C21orf91: variants seen among roughly 807,000 people sequenced by gnomAD.
C21orf91 encodes protein EURL homolog.
Under a neutral mutation model 32.9 loss-of-function variants are expected in C21orf91, and 26 were observed. That is an observed-to-expected ratio of 0.79 (90% CI 0.58 to 1.10). The LOEUF is 1.10. Ranked by LOEUF, C21orf91 falls within the 50% of genes least tolerant of loss-of-function variation. The probability of loss-of-function intolerance (pLI) is 0.00; values close to 1 mark genes in which losing one functional copy is unlikely to be tolerated. For synonymous variants in C21orf91, 126 were observed against 120.4 expected (o/e 1.05, Z -0.31); for missense variants, 310 against 341.3 (o/e 0.91, Z 0.72).
chr21:17,799,266 G>A (rs978227452), intron 2 of C21orf91, among the ~76,000 whole-genome samples: 7 of 152,088 alleles, frequency 4.6e-5, no homozygotes, highest in African/African-American at 1.7e-4. Flanking sequence ...GAAGAATAAT[G>A]AGGACTTGTA....
At chr21:17,799,442 T>C (rs891719748) in intron 2 of C21orf91, among the ~76,000 whole-genome samples, 2 of 152,192 alleles carry the variant, frequency 1.3e-5, no homozygotes, top group African/African-American at 2.4e-5. Flanking sequence ...ACCAACTAAC[T>C]GCTCAAGGAA....
chr21:17,809,405 T>A (rs2062618272), intron 2 of C21orf91, among the ~76,000 whole-genome samples: 1 of 152,204 alleles, frequency 6.6e-6, no homozygotes, highest in South Asian at 2.1e-4. Context: ...TGAAGGAGTA[T>A]TCCATGTTAA....
intron 2 of C21orf91, among the ~76,000 whole-genome samples, chr21:17,797,653 T>G (rs2062529898): frequency 6.6e-6 from 1 of 151,662 alleles, no homozygotes; most frequent in East Asian, 1.9e-4. Context: ...TAGATTTATT[T>G]TTAAAGAAAA....
In C21orf91 at chr21:17,806,504, A is replaced by T. The variant is rs1034552201; in HGVS notation, c.128-9386T>A. 7.5e-5 allele frequency among the ~76,000 whole-genome samples: 3 copies of T among 40,106 alleles called. No individual in the cohort carries two copies. The Admixed American group carries it at 9.4e-4, about 13-fold the overall frequency. The allele number at this position is 40,106 out of a possible 152,430, so 26.3% of individuals were successfully genotyped here. A position where few individuals can be genotyped will look rare whatever the true frequency, so the allele number is the denominator to read the frequency against. ...ATAACTGTAGGTTGCCAAGCTGATG[A>T]GTTAGTAAAAAAAAAATGGAGGAGA... On this transcript the variant is annotated intron_variant, in intron 2 of 4. Coordinates refer to ENST00000284881, the MANE Select transcript of C21orf91 (RefSeq NM_001100420.2).
At chr21:17,810,290 T>C (rs558943574) in intron 2 of C21orf91, among the ~76,000 whole-genome samples, 1 of 152,348 alleles carries the variant, frequency 6.6e-6, no homozygotes, top group South Asian at 2.1e-4. Context: ...AATATAATTA[T>C]AGTTTTTAAT....
chr21:17,793,785 G>C (rs575553857), intron 4 of C21orf91, among the ~76,000 whole-genome samples: 2 of 152,232 alleles, frequency 1.3e-5, no homozygotes, highest in African/African-American at 4.8e-5. Flanking sequence ...TAGCCAAATG[G>C]AATTTGGCTC....
chr21:17,797,174 C>T (rs2062526128), intron 2 of C21orf91, 56 bp from the exon 3 acceptor site: 2 of 1,117,666 alleles, frequency 1.8e-6, no homozygotes, highest in Non-Finnish European at 2.6e-6. Context: ...CTATAAGTCA[C>T]TTTAAGAACA....
rs2062479051 is a variant in C21orf91, at chr21:17,792,120, G to A, written c.*1295C>T. The A allele has an allele frequency of 6.6e-6, 1 of 152,058 alleles. No individual in the cohort carries two copies. Among genetic ancestry groups the A allele is most frequent in the East Asian group, 1.9e-4 (1 of 5,190 alleles). 9.4% of individuals were successfully genotyped at this position (152,058 alleles called of 1,614,324 possible). A position where few individuals can be genotyped will look rare whatever the true frequency, so the allele number is the denominator to read the frequency against. On this transcript the variant is annotated 3_prime_UTR_variant, in exon 5 of 5. Coordinates refer to ENST00000284881, the MANE Select transcript of C21orf91 (RefSeq NM_001100420.2). ...TACCTCATAAGTACATTCTAAACATGAGTTAAAAACAGAATTTAGAGCCCA... is the reference window on the plus strand; with the variant it reads ...TACCTCATAAGTACATTCTAAACATAAGTTAAAAACAGAATTTAGAGCCCA...
At chr21:17,796,544 A>G in intron 3 of C21orf91, 38 bp downstream of exon 3, 1 of 1,540,602 alleles carries the variant, frequency 6.5e-7, no homozygotes, top group Non-Finnish European at 8.8e-7. Flanking sequence ...AAAAATCCCA[A>G]ACCACCCAAC....
chr21:17,802,425 T>C (rs1305412681), intron 2 of C21orf91, among the ~76,000 whole-genome samples: 1 of 152,228 alleles, frequency 6.6e-6, no homozygotes, highest in Non-Finnish European at 1.5e-5. Context: ...CCTAGCAAAG[T>C]GCTGGGATTA....
chr21:17,797,966 T>G (rs554238193), intron 2 of C21orf91, among the ~76,000 whole-genome samples: 54 of 152,232 alleles, frequency 3.5e-4, no homozygotes, highest in Non-Finnish European at 5.3e-4. Context: ...CTAATACATT[T>G]CAAAATACAG....
At chr21:17,810,228 T>C (rs2062623569) in intron 2 of C21orf91, among the ~76,000 whole-genome samples, 1 of 152,228 alleles carries the variant, frequency 6.6e-6, no homozygotes, top group African/African-American at 2.4e-5. Flanking sequence ...TCCCATAATA[T>C]AGTGATTAAA....
intron 2 of C21orf91, among the ~76,000 whole-genome samples, chr21:17,806,953 T>C (rs2062599582): frequency 6.6e-6 from 1 of 152,178 alleles, no homozygotes; most frequent in African/African-American, 2.4e-5. Context: ...ATATTCACTC[T>C]CAACTGAGAA....
intron 2 of C21orf91, among the ~76,000 whole-genome samples, chr21:17,808,495 G>A (rs1010956905): frequency 9.2e-5 from 14 of 152,224 alleles, no homozygotes; most frequent in Non-Finnish European, 1.5e-4. Flanking sequence ...ACTGCCTAGT[G>A]GAGCTGTGGG....
chr21:17,792,344 TAG>T lies in C21orf91; in HGVS notation c.*1069_*1070del, dbSNP rs1491123777. 2 of 152,132 alleles carry T rather than the reference TAG, an allele frequency of 1.3e-5. No homozygotes were observed. The highest frequency in any genetic ancestry group is 4.8e-5 in the African/African-American group (2 of 41,438). The allele number at this position is 152,132 out of a possible 1,614,324, so 9.4% of individuals were successfully genotyped here. A position where few individuals can be genotyped will look rare whatever the true frequency, so the allele number is the denominator to read the frequency against. ...TGTAGAACAATCCTATATTTCTCTA[TAG>T]AGTCTAAAGTTTAGAAAAATACCTC... On this transcript the variant is annotated 3_prime_UTR_variant, in exon 5 of 5. Coordinates refer to ENST00000284881, the MANE Select transcript of C21orf91 (RefSeq NM_001100420.2).
At position 17,793,391 on chromosome 21, in the gene C21orf91, G is replaced by A. The variant is rs771639785; in HGVS notation, c.*24C>T. On this transcript the variant is annotated 3_prime_UTR_variant, in exon 5 of 5. Transcript: ENST00000284881. ...GTCTGGGAGACCAATAAAGGGCAGG[G>A]CATACGAAGTAAGTCTGTTTAGGTC... The A allele has an allele frequency of 4.6e-6, 7 of 1,531,592 alleles. No homozygotes were observed. In the South Asian group the frequency reaches 7.5e-5, roughly 16 times the overall value. 94.9% of individuals were successfully genotyped at this position (1,531,592 alleles called of 1,614,324 possible).
chr21:17,789,253 T>TAACACACACACACACACACA lies in C21orf91; in HGVS notation c.*4161_*4162insTGTGTGTGTGTGTGTGTGTT, dbSNP rs201696665. 58 of 149,852 alleles carry TAACACACACACACACACACA rather than the reference T, an allele frequency of 3.9e-4. No individual in the cohort carries two copies. The highest frequency in any genetic ancestry group is 1.3e-3 in the African/African-American group (54 of 40,548). 9.3% of individuals were successfully genotyped at this position (149,852 alleles called of 1,614,324 possible). ...ATACGCTACTGTTTTAAAGCAAGGTTCACACACACACACACACACACACAC... is the reference window on the plus strand; with the variant it reads ...ATACGCTACTGTTTTAAAGCAAGGTTAACACACACACACACACACACACACACACACACACACACACACAC... On this transcript the variant is annotated 3_prime_UTR_variant, in exon 5 of 5. Coordinates refer to ENST00000284881, the MANE Select transcript of C21orf91 (RefSeq NM_001100420.2).
intron 2 of C21orf91, among the ~76,000 whole-genome samples, chr21:17,814,645 G>C (rs1390004395): frequency 6.6e-6 from 1 of 152,154 alleles, no homozygotes; most frequent in Non-Finnish European, 1.5e-5. Flanking sequence ...AGGAGGAAGA[G>C]AGTGAGGGGG....
At chr21:17,811,481 CCATT>C (rs1485073617) in intron 2 of C21orf91, 1 of 152,102 alleles carries the variant, frequency 6.6e-6, no homozygotes, top group Non-Finnish European at 1.5e-5. Context: ...TCTTCACAGG[CCATT>C]ATTATTTGCA....
Sources: gnomAD v4.1 joint callset for allele counts (sites outside exome capture counted in the v4.1 genomes callset) on GRCh38, gnomAD v4.1.1 for gene constraint, MANE v1.5 for transcripts, NCBI Gene and HGNC (gene_info 2026-07-23, HGNC 2026-07-21) for gene names.